Variants in CACNG4 observed in about 807,000 individuals in gnomAD.
The protein encoded by CACNG4 is calcium voltage-gated channel auxiliary subunit gamma 4.
CACNG4 carries 8 observed loss-of-function variants against 22.9 expected under a neutral mutation model. The ratio of observed to expected loss-of-function variants is 0.35; its 90% CI spans 0.21 to 0.63. CACNG4 has a LOEUF of 0.63. Among genes scored for constraint, CACNG4 ranks in the 30% least tolerant of loss-of-function variants. The pLI, the probability that CACNG4 is intolerant of heterozygous loss-of-function variation, is 0.72. For synonymous variants in CACNG4, 188 were observed against 191.9 expected, an observed-to-expected ratio of 0.98 and a Z score of 0.17; for missense variants, 357 against 455.4, an observed-to-expected ratio of 0.78 and a Z score of 1.97.
At chr17:66,983,107 ACCTCTTC>A (rs1284717009) in intron 1 of CACNG4, among the ~76,000 whole-genome samples, 1 of 152,086 alleles carries the variant, frequency 6.6e-6, no homozygotes, top group African/African-American at 2.4e-5. Flanking sequence ...ATTCGGCTAT[ACCTCTTC>A]CCAGTTGATA....
intron 1 of CACNG4, among the ~76,000 whole-genome samples, chr17:66,986,801 T>G (rs1322141438): frequency 6.6e-6 from 1 of 152,250 alleles, no homozygotes; most frequent in Non-Finnish European, 1.5e-5. Context: ...TGCATGTGTC[T>G]CTGTCCAAAT....
At chr17:66,982,774 T>G (rs2035284660) in intron 1 of CACNG4, among the ~76,000 whole-genome samples, 1 of 152,148 alleles carries the variant, frequency 6.6e-6, no homozygotes, top group Non-Finnish European at 1.5e-5. Flanking sequence ...CAGGCTGGCT[T>G]CAAACTCCTG....
At position 66,988,596 on chromosome 17, in the gene CACNG4, G is replaced by A. The variant is rs532418382; in HGVS notation, c.220+23465G>A. Reference sequence around the variant, plus strand: ...AGTAATGCATCCGGCCCTTGGATCTGTCACCAGTCGGTTGCAACAGAGCAG... The same window carrying A: ...AGTAATGCATCCGGCCCTTGGATCTATCACCAGTCGGTTGCAACAGAGCAG... On this transcript the variant is annotated intron_variant, in intron 1 of 3. Transcript: ENST00000262138. Among the ~76,000 whole-genome samples the A allele has an allele frequency of 3.9e-4, 59 of 152,088 alleles. 1 individual carries two copies. Among genetic ancestry groups the A allele is most frequent in the African/African-American group, 1.4e-3 (58 of 41,498 alleles).
At chr17:66,997,601 G>A (rs1243864168) in intron 1 of CACNG4, among the ~76,000 whole-genome samples, 1 of 152,174 alleles carries the variant, frequency 6.6e-6, no homozygotes, top group African/African-American at 2.4e-5. Context: ...CAGATCACTT[G>A]AGGTCAGGAG....
chr17:66,979,433 T>C (rs1272591137), intron 1 of CACNG4, among the ~76,000 whole-genome samples: 2 of 152,152 alleles, frequency 1.3e-5, no homozygotes, highest in African/African-American at 2.4e-5. Context: ...AAATGGCAAA[T>C]TGAGTGAGCC....
intron 2 of CACNG4, 74 bp from the exon 3 acceptor site, chr17:67,024,786 A>T: frequency 1.4e-6 from 2 of 1,386,656 alleles, no homozygotes; most frequent in Non-Finnish European, 1.9e-6. Flanking sequence ...TTCCTGGGAG[A>T]CATACGCAGC....
At chr17:67,021,606 C>G (rs1054809989) in intron 2 of CACNG4, 1 of 152,298 alleles carries the variant, frequency 6.6e-6, no homozygotes, top group Non-Finnish European at 1.5e-5. Context: ...GGGTCACCAC[C>G]CCACATCCTG....
intron 1 of CACNG4, among the ~76,000 whole-genome samples, chr17:67,017,121 G>T (rs2035503159): frequency 6.6e-6 from 1 of 152,154 alleles, no homozygotes; most frequent in Non-Finnish European, 1.5e-5. Context: ...CTGTTGCCCA[G>T]GCTGGAGTGC....
In CACNG4 at chr17:67,031,263, TC is replaced by T; in HGVS notation, c.*262del. The T allele has an allele frequency of 1.6e-6, 1 of 639,398 alleles. No homozygotes were observed. Among genetic ancestry groups the T allele is most frequent in the South Asian group, 1.5e-5 (1 of 65,562 alleles). 39.6% of individuals were successfully genotyped at this position (639,398 alleles called of 1,614,324 possible). ...TTGATGCCTCAGGGTCTCTGAAATC[TC>T]CCGGGAAGCCCCAGAGCTTTCCTGA... On this transcript the variant is annotated 3_prime_UTR_variant, in exon 4 of 4. Transcript: ENST00000262138. This position sits in a 1 kb window ranked among gnomAD's most constrained non-coding sequence, Gnocchi z 4.0.
chr17:67,024,799 T>A, intron 2 of CACNG4, 61 bp from the exon 3 acceptor site: 1 of 1,428,232 alleles, frequency 7.0e-7, no homozygotes, highest in Admixed American at 2.6e-5. Flanking sequence ...TACGCAGCCA[T>A]GCCCGGGAGG....
At chr17:67,022,689 G>A (rs1317749843) in intron 2 of CACNG4, among the ~76,000 whole-genome samples, 3 of 152,268 alleles carry the variant, frequency 2.0e-5, no homozygotes, top group African/African-American at 7.2e-5. Flanking sequence ...CTGCCAGTGC[G>A]GCCCGACTCA....
At chr17:67,005,763 G>A (rs1462635911) in intron 1 of CACNG4, among the ~76,000 whole-genome samples, 9 of 152,158 alleles carry the variant, frequency 5.9e-5, no homozygotes, top group East Asian at 5.8e-4. Flanking sequence ...ACACCTTTTC[G>A]GACCTTGTAG....
At chr17:66,983,653 A>C (rs937080991) in intron 1 of CACNG4, among the ~76,000 whole-genome samples, 7 of 152,348 alleles carry the variant, frequency 4.6e-5, no homozygotes, top group African/African-American at 1.7e-4. Context: ...GCGGCTCTTC[A>C]GATGGGGCAC....
At chr17:67,022,592 GC>G in intron 2 of CACNG4, among the ~76,000 whole-genome samples, 1 of 152,328 alleles carries the variant, frequency 6.6e-6, no homozygotes, top group Admixed American at 6.5e-5. Context: ...ACACACTGAT[GC>G]GTTCACAAAA....
intron 1 of CACNG4, among the ~76,000 whole-genome samples, chr17:66,994,020 TA>T (rs58662640): frequency 0.091 from 12,902 of 142,306 alleles, 655 homozygotes; most frequent in South Asian, 0.13. Flanking sequence ...AATATACACA[TA>T]AAAAAAAAAA....
At chr17:67,012,508 C>T (rs1267757350) in intron 1 of CACNG4, among the ~76,000 whole-genome samples, 1 of 152,132 alleles carries the variant, frequency 6.6e-6, no homozygotes, top group Non-Finnish European at 1.5e-5. Context: ...CTGGCTTGGT[C>T]CTGCTGGGAC....
intron 2 of CACNG4, among the ~76,000 whole-genome samples, chr17:67,018,489 G>C (rs1248434322): frequency 6.6e-6 from 1 of 152,210 alleles, no homozygotes; most frequent in East Asian, 1.9e-4. Context: ...ATTTGGCTGA[G>C]AGGCCTGTAC....
At chr17:67,007,566 C>T (rs1177443695) in intron 1 of CACNG4, among the ~76,000 whole-genome samples, 3 of 151,760 alleles carry the variant, frequency 2.0e-5, no homozygotes, top group East Asian at 3.9e-4. Flanking sequence ...GAGTGGCTTC[C>T]CTGACCTCTA....
chr17:66,967,140 T>C (rs2035175866), intron 1 of CACNG4, among the ~76,000 whole-genome samples: 1 of 152,218 alleles, frequency 6.6e-6, no homozygotes, highest in Non-Finnish European at 1.5e-5. Flanking sequence ...TAATTCCTCA[T>C]GCTAATTAGG....
Sources: allele counts gnomAD v4.1 joint callset (sites outside exome capture counted in the v4.1 genomes callset), GRCh38; gene constraint gnomAD v4.1.1; non-coding constraint Gnocchi (gnomAD v3.1); transcripts MANE v1.5; gene names NCBI Gene and HGNC (gene_info 2026-07-23, HGNC 2026-07-21).